The following NRG1 variants were observed in gnomAD, a reference collection of about 807,000 sequenced individuals.
NRG1 encodes the protein pro-neuregulin-1, membrane-bound isoform.
NRG1 carries 18 observed loss-of-function variants against 63.8 expected under a neutral mutation model. The observed-to-expected ratio is 0.28, with a 90% CI of 0.19 to 0.42. The LOEUF (loss-of-function observed/expected upper bound fraction) is 0.42. Among genes scored for constraint, NRG1 ranks in the 10% least tolerant of loss-of-function variants. NRG1 has a pLI of 1.00. For missense variants in NRG1, 762 were observed against 814.7 expected (o/e 0.94, Z 0.79); for synonymous variants, 302 against 301.3 (o/e 1.00, Z -0.02).
At chr8:32,427,918 A>G (rs1025172629) in intron 1 of NRG1, among the ~76,000 whole-genome samples, 33 of 152,184 alleles carry the variant, frequency 2.2e-4, no homozygotes, top group African/African-American at 7.0e-4. Context: ...TTTTAGCTAG[A>G]CTAGACTAGA....
intron 1 of NRG1, among the ~76,000 whole-genome samples, chr8:32,336,197 GAT>G (rs1407789729): frequency 4.6e-5 from 7 of 152,202 alleles, no homozygotes; most frequent in Non-Finnish European, 1.0e-4. Flanking sequence ...TTTAGTTCAA[GAT>G]AACATAAACT....
At chr8:32,493,015 C>A (rs1683474684) in intron 1 of NRG1, among the ~76,000 whole-genome samples, 1 of 152,100 alleles carries the variant, frequency 6.6e-6, no homozygotes, top group South Asian at 2.1e-4. Context: ...CCATCCAAGA[C>A]AGAGCTTAAA....
At chr8:31,696,831 T>C (rs1810116335) in intron 1 of NRG1, among the ~76,000 whole-genome samples, 1 of 152,212 alleles carries the variant, frequency 6.6e-6, no homozygotes, top group Non-Finnish European at 1.5e-5. Flanking sequence ...TTCATTATTC[T>C]ACACTGCCTC....
At chr8:32,023,508 C>A (rs2130272369) in intron 1 of NRG1, among the ~76,000 whole-genome samples, 1 of 152,316 alleles carries the variant, frequency 6.6e-6, no homozygotes, top group East Asian at 1.9e-4. Flanking sequence ...GCCAAAGCGT[C>A]ACCAGGTTTT....
intron 1 of NRG1, among the ~76,000 whole-genome samples, chr8:32,200,919 C>A (rs558600563): frequency 6.6e-6 from 1 of 152,198 alleles, no homozygotes; most frequent in East Asian, 1.9e-4. Flanking sequence ...CCTGGCTGTG[C>A]AGCAACAGAG....
intron 1 of NRG1, among the ~76,000 whole-genome samples, chr8:32,046,945 A>T (rs1369639396): frequency 6.6e-6 from 1 of 152,082 alleles, no homozygotes; most frequent in Non-Finnish European, 1.5e-5. Context: ...AGAAGAAAAA[A>T]GTCTTCCCAA....
At chr8:32,623,658 G>T (rs1381933556) in intron 5 of NRG1, among the ~76,000 whole-genome samples, 3 of 152,132 alleles carry the variant, frequency 2.0e-5, no homozygotes, top group African/African-American at 7.2e-5. Context: ...TGCAAGAGTT[G>T]GGGCTCGTAT....
At chr8:31,742,278 A>G (rs1815354601) in intron 1 of NRG1, among the ~76,000 whole-genome samples, 1 of 151,852 alleles carries the variant, frequency 6.6e-6, no homozygotes, top group African/African-American at 2.4e-5. Context: ...GGAGAAGGTC[A>G]TGCTATCTAC....
At chr8:32,280,755 C>CTT (rs1563265275) in intron 1 of NRG1, among the ~76,000 whole-genome samples, 1 of 18,404 alleles carries the variant, frequency 5.4e-5, no homozygotes, top group Non-Finnish European at 1.0e-4. Context: ...TTTGTCCTTT[C>CTT]ATTTTTTTTT....
intron 1 of NRG1, among the ~76,000 whole-genome samples, chr8:31,890,795 A>C (rs1831086960): frequency 6.6e-6 from 1 of 152,252 alleles, no homozygotes; most frequent in African/African-American, 2.4e-5. Flanking sequence ...ATAACAGGAC[A>C]GTGACCTAAT....
intron 5 of NRG1, among the ~76,000 whole-genome samples, chr8:32,681,814 C>T (rs1402484689): frequency 6.6e-6 from 1 of 152,116 alleles, no homozygotes; most frequent in Non-Finnish European, 1.5e-5. Context: ...GACGGCGACC[C>T]ATTTATTAAG....
chr8:32,727,479 AT>A (rs941051958), intron 5 of NRG1, among the ~76,000 whole-genome samples: 1 of 152,212 alleles, frequency 6.6e-6, no homozygotes, highest in Non-Finnish European at 1.5e-5. Context: ...TTTTCAATAT[AT>A]ACATCATGTC....
chr8:31,713,320 G>A (rs1812009850), intron 1 of NRG1, among the ~76,000 whole-genome samples: 1 of 151,774 alleles, frequency 6.6e-6, no homozygotes, highest in African/African-American at 2.4e-5. Flanking sequence ...GTTTCACTGT[G>A]TTAGTCAGGA....
At chr8:32,732,208 A>G (rs940218680) in intron 6 of NRG1, among the ~76,000 whole-genome samples, 7 of 152,174 alleles carry the variant, frequency 4.6e-5, no homozygotes, top group African/African-American at 1.4e-4. Context: ...TGGAAAAAAT[A>G]GTTACTATTC....
Position 31,770,801 on chromosome 8 carries a change from A to C in NRG1, c.37+131370A>C, listed in dbSNP as rs1818553525. 1.3e-5 allele frequency among the ~76,000 whole-genome samples: 2 copies of C among 149,002 alleles called. 1 individual carries two copies. Among genetic ancestry groups the C allele is most frequent in the Non-Finnish European group, 3.0e-5 (2 of 67,484 alleles). ...TATATATATATATATATATATACAT[A>C]TATAAACTTGTTTTGTGAATTTTGA... is the stretch of plus-strand genomic sequence containing the variant. On this transcript the variant is annotated intron_variant, in intron 1 of 10. Transcript: ENST00000519301.
intron 1 of NRG1, among the ~76,000 whole-genome samples, chr8:31,883,809 T>TA (rs1244479485): frequency 1.3e-5 from 2 of 152,140 alleles, no homozygotes; most frequent in Non-Finnish European, 2.9e-5. Flanking sequence ...CCACCACAGA[T>TA]AGACTGTTTT....
intron 1 of NRG1, among the ~76,000 whole-genome samples, chr8:32,165,274 G>A (rs1456733803): frequency 6.6e-6 from 1 of 151,940 alleles, no homozygotes; most frequent in African/African-American, 2.4e-5. Flanking sequence ...GAGTAACTGG[G>A]ACTACAGGCA....
intron 1 of NRG1, among the ~76,000 whole-genome samples, chr8:32,047,975 T>G (rs1821285277): frequency 6.6e-6 from 1 of 151,998 alleles, no homozygotes; most frequent in African/African-American, 2.4e-5. Flanking sequence ...TTTTAGATTC[T>G]GAGTATGAGT....
At chr8:32,673,204 G>T (rs1339824490) in intron 5 of NRG1, among the ~76,000 whole-genome samples, 1 of 152,162 alleles carries the variant, frequency 6.6e-6, no homozygotes. Flanking sequence ...AATTGATAAT[G>T]TATTATATGA....
Sources: gnomAD v4.1 joint callset for allele counts (sites outside exome capture counted in the v4.1 genomes callset) on GRCh38, gnomAD v4.1.1 for gene constraint, MANE v1.5 for transcripts, NCBI Gene and HGNC (gene_info 2026-07-23, HGNC 2026-07-21) for gene names.